The following MACROD2 variants were observed in gnomAD, a reference collection of about 807,000 sequenced individuals.
MACROD2 encodes ADP-ribose glycohydrolase MACROD2.
MACROD2 carries 36 observed loss-of-function variants against 70.4 expected under a neutral mutation model. The ratio of observed to expected loss-of-function variants is 0.51; its 90% CI spans 0.39 to 0.68. MACROD2 has a LOEUF of 0.68. Among genes scored for constraint, MACROD2 ranks in the 30% least tolerant of loss-of-function variants. The pLI is 0.00. For missense variants in MACROD2, 496 were observed against 538.4 expected, an observed-to-expected ratio of 0.92 and a Z score of 0.78; for synonymous variants, 172 against 178.8, an observed-to-expected ratio of 0.96 and a Z score of 0.30.
At chr20:15,364,892 A>T (rs1309965071) in intron 6 of MACROD2, among the ~76,000 whole-genome samples, 2 of 152,216 alleles carry the variant, frequency 1.3e-5, no homozygotes, top group Non-Finnish European at 2.9e-5. Context: ...TCAAAAATAC[A>T]TTTGATCCAA....
In MACROD2 at chr20:14,751,827, A is replaced by G. The variant is rs369621016; in HGVS notation, c.418+66868A>G. 5.0e-4 allele frequency among the ~76,000 whole-genome samples: 59 copies of G among 118,022 alleles called. 1 individual carries two copies. The East Asian group carries it at 0.01, about 20-fold the overall frequency. The allele number at this position is 118,022 out of a possible 152,430, so 77.4% of individuals were successfully genotyped here. On this transcript the variant is annotated intron_variant, in intron 5 of 17. Coordinates refer to ENST00000684519, the MANE Select transcript of MACROD2 (RefSeq NM_001351661.2). ...ACTGATTTTTGTGGGTGAAACTGCA[A>G]AGTCACACAGTAAAGAATGTGGATA...
chr20:14,186,233 A>T (rs929159534), intron 3 of MACROD2, among the ~76,000 whole-genome samples: 1 of 152,206 alleles, frequency 6.6e-6, no homozygotes, highest in Non-Finnish European at 1.5e-5. Context: ...AGTTGTTACC[A>T]GATTAACACA....
chr20:14,055,792 A>G (rs1029949706), intron 2 of MACROD2, among the ~76,000 whole-genome samples: 1 of 150,514 alleles, frequency 6.6e-6, no homozygotes, highest in Non-Finnish European at 1.5e-5. Context: ...TAACATCTCA[A>G]TTTGTTGTAA....
chr20:15,937,123 T>C (rs1164278950), intron 11 of MACROD2, among the ~76,000 whole-genome samples: 5 of 152,180 alleles, frequency 3.3e-5, no homozygotes, highest in African/African-American at 1.2e-4. Context: ...TGTAGGAACT[T>C]GCAAGGATAT....
chr20:14,425,423 T>G (rs949708490), intron 3 of MACROD2, among the ~76,000 whole-genome samples: 1 of 152,230 alleles, frequency 6.6e-6, no homozygotes, highest in African/African-American at 2.4e-5. Flanking sequence ...TGCATTACTA[T>G]ACGTATGAAA....
At chr20:16,003,556 G>A (rs779249088) in intron 15 of MACROD2, among the ~76,000 whole-genome samples, 4 of 152,192 alleles carry the variant, frequency 2.6e-5, no homozygotes, top group Non-Finnish European at 4.4e-5. Flanking sequence ...TGAGGGCAGA[G>A]GCTTTCCAAG....
intron 3 of MACROD2, chr20:14,127,560 GA>G: frequency 2.1e-6 from 1 of 474,168 alleles, no homozygotes; most frequent in Non-Finnish European, 3.9e-6. Context: ...AATTTTGAGG[GA>G]AGAGAAGAAA....
chr20:15,308,250 A>G (rs2077717012), intron 6 of MACROD2, among the ~76,000 whole-genome samples: 1 of 151,936 alleles, frequency 6.6e-6, no homozygotes, highest in African/African-American at 2.4e-5. Flanking sequence ...GCAACAATTG[A>G]TGATTCTTAT....
intron 8 of MACROD2, among the ~76,000 whole-genome samples, chr20:15,504,946 T>G (rs569060325): frequency 6.6e-6 from 1 of 152,316 alleles, no homozygotes; most frequent in Non-Finnish European, 1.5e-5. Flanking sequence ...GAAATATAAT[T>G]CTTTGCGGAA....
intron 6 of MACROD2, among the ~76,000 whole-genome samples, chr20:15,257,870 A>C (rs1471258146): frequency 6.6e-6 from 1 of 152,068 alleles, no homozygotes; most frequent in African/African-American, 2.4e-5. Flanking sequence ...TTCCAGAAGA[A>C]GGCACTGTTA....
chr20:14,693,940 C>A (rs2071091082), intron 5 of MACROD2, among the ~76,000 whole-genome samples: 1 of 152,106 alleles, frequency 6.6e-6, no homozygotes, highest in African/African-American at 2.4e-5. Context: ...ACTTGATTTG[C>A]TTGTTCAGCC....
chr20:15,794,471 C>T (rs748429300), intron 8 of MACROD2, among the ~76,000 whole-genome samples: 24 of 152,164 alleles, frequency 1.6e-4, no homozygotes, highest in Non-Finnish European at 1.3e-4. Context: ...TAGACCGTGT[C>T]GGCAGCAAAG....
chr20:14,710,930 A>T (rs1277515025), intron 5 of MACROD2, among the ~76,000 whole-genome samples: 1 of 152,164 alleles, frequency 6.6e-6, no homozygotes, highest in African/African-American at 2.4e-5. Flanking sequence ...CTCCTGAGAG[A>T]TCTCATTCTT....
At chr20:14,245,444 T>A (rs1309386262) in intron 3 of MACROD2, among the ~76,000 whole-genome samples, 1 of 152,054 alleles carries the variant, frequency 6.6e-6, no homozygotes, top group African/African-American at 2.4e-5. Context: ...AATTAAAATA[T>A]ATTCATTCCC....
intron 3 of MACROD2, among the ~76,000 whole-genome samples, chr20:14,252,460 A>AT (rs1170822798): frequency 1.3e-5 from 2 of 151,708 alleles, no homozygotes; most frequent in East Asian, 1.9e-4. Context: ...AAATCTACTG[A>AT]TTTTTTTCTA....
chr20:15,668,292 G>A (rs954876487), intron 8 of MACROD2, among the ~76,000 whole-genome samples: 7 of 151,076 alleles, frequency 4.6e-5, no homozygotes, highest in South Asian at 2.1e-4. Flanking sequence ...TGCTGGGCAC[G>A]GTGGCTCATA....
chr20:14,700,018 A>G (rs1361113197), intron 5 of MACROD2, among the ~76,000 whole-genome samples: 1 of 151,854 alleles, frequency 6.6e-6, no homozygotes, highest in Non-Finnish European at 1.5e-5. Context: ...TTAAAGTTTA[A>G]ATCTAGAAGT....
chr20:15,199,287 G>A (rs568856931), intron 5 of MACROD2, among the ~76,000 whole-genome samples: 7 of 152,172 alleles, frequency 4.6e-5, no homozygotes, highest in Admixed American at 2.0e-4. Context: ...AGCCTGGGAG[G>A]TCGAAGCTGC....
chr20:15,673,093 T>C (rs2050005364), intron 8 of MACROD2, among the ~76,000 whole-genome samples: 1 of 152,186 alleles, frequency 6.6e-6, no homozygotes, highest in African/African-American at 2.4e-5. Flanking sequence ...CTTGTGTATG[T>C]CTTTATTAAC....
Sources: allele counts gnomAD v4.1 joint callset (sites outside exome capture counted in the v4.1 genomes callset), GRCh38; gene constraint gnomAD v4.1.1; transcripts MANE v1.5; gene names NCBI Gene and HGNC (gene_info 2026-07-23, HGNC 2026-07-21).